Variants in KDM2B observed in about 807,000 individuals in gnomAD.
KDM2B encodes lysine demethylase 2B, also known as lysine-specific demethylase 2B.
In KDM2B, 26 loss-of-function variants were observed where a neutral mutation model predicts 150.0. The observed-to-expected ratio is 0.17, with a 90% CI of 0.13 to 0.24. KDM2B has a LOEUF of 0.24. Among genes scored for constraint, KDM2B ranks in the 10% least tolerant of loss-of-function variants. KDM2B has a pLI of 1.00. For synonymous variants in KDM2B, 734 were observed against 729.5 expected (o/e 1.01, Z -0.10); for missense variants, 1,265 against 1,816.9 (o/e 0.70, Z 5.52).
chr12:121,464,298 C>T (rs1466187610), intron 12 of KDM2B, among the ~76,000 whole-genome samples: 1 of 152,260 alleles, frequency 6.6e-6, no homozygotes, highest in Non-Finnish European at 1.5e-5. Flanking sequence ...ACCTCTTCAA[C>T]TTGGAAAGCA....
chr12:121,497,285 A>G lies in KDM2B; in HGVS notation c.1648-2620T>C, dbSNP rs1218747880. Among the ~76,000 whole-genome samples, 3 of 152,154 alleles carry G rather than the reference A, an allele frequency of 2.0e-5. No individual in the cohort carries two copies. The East Asian group carries it at 5.8e-4, about 29-fold the overall frequency. ...ATGACTAACCTAGAGTAAGCTTCCA[A>G]TAAACAAAGTTGGGTTTTGTTTGTT... On this transcript the variant is annotated intron_variant, in intron 11 of 22. Transcript: ENST00000377071.
the KDM2B span, chr12:121,417,637 T>G: frequency 6.2e-7 from 1 of 1,614,196 alleles, no homozygotes; most frequent in Non-Finnish European, 8.5e-7. This position sits in a 1 kb window ranked among gnomAD's most constrained non-coding sequence, Gnocchi z 5.0. Context: ...CGACTGAAGG[T>G]GAAGGACCTG....
intron 12 of KDM2B, among the ~76,000 whole-genome samples, chr12:121,464,351 T>C (rs1735578504): frequency 6.6e-6 from 1 of 152,142 alleles, no homozygotes; most frequent in Admixed American, 6.5e-5. Flanking sequence ...GAGAAGCAAA[T>C]GAAGTCTGTG....
At chr12:121,579,517 C>A in intron 1 of KDM2B, 1 of 922,998 alleles carries the variant, frequency 1.1e-6, no homozygotes. Flanking sequence ...CCCGCCAGTG[C>A]AAGAAGAGGA....
At position 121,533,590 on chromosome 12, in the gene KDM2B, T is replaced by C. The variant is rs934249319; in HGVS notation, c.778-631A>G. 1.3e-4 allele frequency among the ~76,000 whole-genome samples: 20 copies of C among 152,070 alleles called. No homozygotes were observed. Among genetic ancestry groups the C allele is most frequent in the African/African-American group, 4.8e-4 (20 of 41,396 alleles). On this transcript the variant is annotated intron_variant, in intron 7 of 22. Transcript: ENST00000377071. The surrounding 1 kb of genome is among the most constrained non-coding windows in gnomAD (Gnocchi z 4.1). ...GCAAAATGTTCCTAGAGGCAGGTGG[T>C]GCTGGCAACTAGACTTTAAAGTAAA...
At chr12:121,572,585 C>T (rs1403535503) in intron 4 of KDM2B, among the ~76,000 whole-genome samples, 4 of 152,192 alleles carry the variant, frequency 2.6e-5, no homozygotes, top group Non-Finnish European at 4.4e-5. Context: ...AAATGAAGCC[C>T]CACCACGTGC....
the KDM2B span, chr12:121,417,436 CAGAA>C: frequency 2.2e-6 from 3 of 1,375,970 alleles, no homozygotes; most frequent in African/African-American, 2.9e-5. This position sits in a 1 kb window ranked among gnomAD's most constrained non-coding sequence, Gnocchi z 5.0. Flanking sequence ...TAGTAGAAGG[CAGAA>C]AGAAAACTCA....
chr12:121,455,577 C>A (rs879948883), intron 12 of KDM2B, among the ~76,000 whole-genome samples: 4 of 151,988 alleles, frequency 2.6e-5, no homozygotes, highest in Non-Finnish European at 5.9e-5. Flanking sequence ...TAGTGGTGTG[C>A]ACCTGCAGAC....
chr12:121,549,852 C>T lies in KDM2B; in HGVS notation c.398-214G>A, dbSNP rs1169204755. Among the ~76,000 whole-genome samples, 1 of 138,074 alleles carries T rather than the reference C, an allele frequency of 7.2e-6. No homozygotes were observed. Among genetic ancestry groups the T allele is most frequent in the Non-Finnish European group, 1.5e-5 (1 of 64,812 alleles). The allele number at this position is 138,074 out of a possible 152,430, so 90.6% of individuals were successfully genotyped here. On this transcript the variant is annotated intron_variant, in intron 4 of 22. Transcript: ENST00000377071. The surrounding 1 kb of genome is among the most constrained non-coding windows in gnomAD (Gnocchi z 4.4). ...CCCTGCACCACCATGGCCTCCACGC[C>T]AGTCTGCGATGACCTCAAAAGCTAC...
intron 12 of KDM2B, among the ~76,000 whole-genome samples, chr12:121,461,027 CAGTGGCTCTAA>C (rs1488400486): frequency 1.3e-5 from 2 of 152,212 alleles, no homozygotes; most frequent in Admixed American, 1.3e-4. Context: ...CAGACCCAGG[CAGTGGCTCTAA>C]AGCCTGGACC....
the KDM2B span, chr12:121,416,736 C>T: frequency 5.0e-6 from 1 of 198,642 alleles, no homozygotes; most frequent in Non-Finnish European, 1.0e-5. Flanking sequence ...GTATCCCGTA[C>T]CTTAACTTTC....
intron 6 of KDM2B, among the ~76,000 whole-genome samples, chr12:121,547,853 G>A (rs782602067): frequency 4.0e-5 from 6 of 151,878 alleles, no homozygotes; most frequent in Non-Finnish European, 8.8e-5. Context: ...ATGTTGGTCT[G>A]GCTGGTCTCG....
chr12:121,532,210 A>G (rs1555307945), intron 8 of KDM2B, among the ~76,000 whole-genome samples: 1 of 152,108 alleles, frequency 6.6e-6, no homozygotes, highest in Non-Finnish European at 1.5e-5. Context: ...CCTAGGTAGA[A>G]TGCTTCCATT....
chr12:121,545,702 C>T (rs1244713910), intron 6 of KDM2B, among the ~76,000 whole-genome samples: 3 of 152,166 alleles, frequency 2.0e-5, no homozygotes, highest in African/African-American at 7.2e-5. Flanking sequence ...GCCATCCAAT[C>T]CCCATAGCAA....
chr12:121,443,125 AGAG>A lies in KDM2B; in HGVS notation c.2566-98_2566-96del, dbSNP rs1875466139. The A allele has an allele frequency of 8.8e-6, 11 of 1,257,114 alleles. No individual in the cohort carries two copies. The South Asian group carries it at 1.4e-4, about 16-fold the overall frequency. The allele number at this position is 1,257,114 out of a possible 1,614,324, so 77.9% of individuals were successfully genotyped here. ...ACCCCACCACGAGTCCACAGTCTCCAGAGGAGGGGCTGGAGGGAGGCCTTCCCC... is the reference window on the plus strand; with the variant it reads ...ACCCCACCACGAGTCCACAGTCTCCAGAGGGGCTGGAGGGAGGCCTTCCCC... On this transcript the variant is annotated intron_variant, in intron 17 of 22. Coordinates refer to ENST00000377071, the MANE Select transcript of KDM2B (RefSeq NM_032590.5).
intron 13 of KDM2B, among the ~76,000 whole-genome samples, chr12:121,446,963 G>A (rs922623890): frequency 2.0e-5 from 3 of 152,164 alleles, no homozygotes; most frequent in Non-Finnish European, 2.9e-5. Context: ...CTGAGCAAAT[G>A]AGCTACTCAA....
intron 6 of KDM2B, among the ~76,000 whole-genome samples, chr12:121,543,110 G>A (rs1888731631): frequency 6.6e-6 from 1 of 151,956 alleles, no homozygotes; most frequent in Non-Finnish European, 1.5e-5. Context: ...ATCCCAGCAC[G>A]TTGGGAGGCT....
chr12:121,419,394 A>G, the KDM2B span, among the ~76,000 whole-genome samples: 1 of 152,244 alleles, frequency 6.6e-6, no homozygotes, highest in Non-Finnish European at 1.5e-5. Context: ...GTCGTCAAGC[A>G]ACACATACTG....
intron 4 of KDM2B, among the ~76,000 whole-genome samples, chr12:121,554,426 C>G (rs1889749925): frequency 6.8e-6 from 1 of 147,974 alleles, no homozygotes; most frequent in Admixed American, 6.7e-5. Context: ...TTTTTTGAGA[C>G]AAAGTCTCTC....
Sources: allele counts gnomAD v4.1 joint callset (sites outside exome capture counted in the v4.1 genomes callset), GRCh38; gene constraint gnomAD v4.1.1; non-coding constraint Gnocchi (gnomAD v3.1); transcripts MANE v1.5; gene names NCBI Gene and HGNC (gene_info 2026-07-23, HGNC 2026-07-21).